The following HYDIN variants were observed in gnomAD, a reference collection of about 807,000 sequenced individuals.
HYDIN encodes the protein HYDIN axonemal central pair apparatus protein.
A neutral mutation model predicts 403.9 loss-of-function variants in HYDIN; 132 were observed. The ratio of observed to expected loss-of-function variants is 0.33; its 90% CI spans 0.28 to 0.38. The LOEUF (loss-of-function observed/expected upper bound fraction) is 0.38. HYDIN is among the 10% of genes least tolerant of loss of function. The pLI is 1.00. For synonymous variants in HYDIN, 1,202 were observed against 1,891.7 expected, an observed-to-expected ratio of 0.64 and a Z score of 9.46; for missense variants, 2,827 against 5,009.5, an observed-to-expected ratio of 0.56 and a Z score of 13.15.
At chr16:71,049,300 A>G (rs2081557909) in intron 18 of HYDIN, among the ~76,000 whole-genome samples, 1 of 152,350 alleles carries the variant, frequency 6.6e-6, no homozygotes, top group East Asian at 1.9e-4. Flanking sequence ...CAAAGTTGTG[A>G]TGTTCCTGAA....
At chr16:70,932,139 G>A (rs548416945) in intron 45 of HYDIN, among the ~76,000 whole-genome samples, 1 of 147,458 alleles carries the variant, frequency 6.8e-6, no homozygotes, top group Admixed American at 6.8e-5. Context: ...TGGATCACCT[G>A]AGGTCAGGAG....
At chr16:71,178,895 G>A in intron 4 of HYDIN, 33 bp downstream of exon 4, 1 of 1,586,704 alleles carries the variant, frequency 6.3e-7, no homozygotes, top group Non-Finnish European at 8.6e-7. Context: ...ATATATCCTG[G>A]AACAGTTCAC....
intron 45 of HYDIN, among the ~76,000 whole-genome samples, chr16:70,922,360 G>A (rs931246124): frequency 1.3e-5 from 2 of 152,284 alleles, no homozygotes; most frequent in African/African-American, 4.8e-5. Context: ...CCAGCGTAGA[G>A]CAGCTGGAGG....
intron 42 of HYDIN, among the ~76,000 whole-genome samples, chr16:70,942,805 G>A (rs9932252): frequency 0.024 from 3,681 of 152,242 alleles, 115 homozygotes; most frequent in African/African-American, 0.083. Context: ...TAAGCTCCAC[G>A]TGTCATCAGA....
intron 1 of HYDIN, among the ~76,000 whole-genome samples, chr16:71,192,337 T>A (rs1359536053): frequency 2.0e-5 from 3 of 152,176 alleles, no homozygotes; most frequent in Non-Finnish European, 4.4e-5. Context: ...TCCAGAATCA[T>A]GCCTTTCCCA....
chr16:70,868,551 G>A lies in HYDIN; in HGVS notation c.11310+19C>T. On this transcript the variant is annotated intron_variant, in intron 66 of 85. Coordinates refer to ENST00000393567, the MANE Select transcript of HYDIN (RefSeq NM_001270974.2). ...AGCATGGAGGCCTGGTCAGATTGGTGCTTGATGTCCCCACTTACTTTTCGT... is the reference window on the plus strand; with the variant it reads ...AGCATGGAGGCCTGGTCAGATTGGTACTTGATGTCCCCACTTACTTTTCGT... The A allele has an allele frequency of 1.2e-6, 2 of 1,603,586 alleles. No individual in the cohort carries two copies. The highest frequency in any genetic ancestry group is 1.7e-6 in the Non-Finnish European group (2 of 1,176,216).
chr16:71,226,295 A>C (rs531856434), intron 1 of HYDIN, among the ~76,000 whole-genome samples: 2 of 152,352 alleles, frequency 1.3e-5, no homozygotes, highest in East Asian at 3.9e-4. Context: ...TCACACATAC[A>C]TGGTCAACTG....
At chr16:70,859,255 C>T (rs1184903215) in intron 71 of HYDIN, among the ~76,000 whole-genome samples, 3 of 151,980 alleles carry the variant, frequency 2.0e-5, no homozygotes, top group South Asian at 2.1e-4. Context: ...GAGCCGAGAT[C>T]GCGCCACTGC....
chr16:71,110,348 A>T (rs1034751171), intron 10 of HYDIN, among the ~76,000 whole-genome samples: 1 of 141,744 alleles, frequency 7.1e-6, no homozygotes, highest in African/African-American at 2.6e-5. Flanking sequence ...ATATTTATAG[A>T]TATTTTATAT....
intron 1 of HYDIN, among the ~76,000 whole-genome samples, chr16:71,226,554 A>G (rs935073451): frequency 1.3e-5 from 2 of 152,246 alleles, no homozygotes; most frequent in African/African-American, 4.8e-5. Flanking sequence ...ACAAAACATA[A>G]AAGAAAAAAT....
chr16:71,078,455 C>T (rs998247671), intron 13 of HYDIN, among the ~76,000 whole-genome samples: 18 of 152,072 alleles, frequency 1.2e-4, no homozygotes, highest in Admixed American at 1.2e-3. Flanking sequence ...TAAATATCTG[C>T]AATTGTATTT....
intron 63 of HYDIN, 64 bp downstream of exon 63, chr16:70,874,753 T>C (rs1160754063): frequency 1.3e-6 from 2 of 1,533,972 alleles, no homozygotes; most frequent in African/African-American, 1.4e-5. Context: ...GGGCCTTGAG[T>C]GGTCCCCTAA....
intron 1 of HYDIN, among the ~76,000 whole-genome samples, chr16:71,221,037 C>G (rs1223760740): frequency 2.0e-5 from 3 of 152,102 alleles, no homozygotes; most frequent in Admixed American, 6.5e-5. Context: ...AGATAATCCT[C>G]CAGACAAGGA....
At chr16:71,216,285 A>G (rs2088877138) in intron 1 of HYDIN, among the ~76,000 whole-genome samples, 1 of 152,256 alleles carries the variant, frequency 6.6e-6, no homozygotes, top group African/African-American at 2.4e-5. Context: ...ATCAATAAAG[A>G]TGATCTAAAC....
rs2084633715 is a variant in HYDIN, at chr16:71,129,856, G to A, written c.1044-33C>T. The A allele has an allele frequency of 4.5e-6, 7 of 1,567,888 alleles. No individual in the cohort carries two copies. The South Asian group carries it at 4.7e-5, about 11-fold the overall frequency. ...AAACAGGCAATGTGAGATTCATGTG[G>A]GTACTCCCATGAAGAACTTTGTAAA... On this transcript the variant is annotated intron_variant, in intron 8 of 85. Coordinates refer to ENST00000393567, the MANE Select transcript of HYDIN (RefSeq NM_001270974.2).
intron 14 of HYDIN, among the ~76,000 whole-genome samples, chr16:71,067,886 C>A (rs947827643): frequency 2.0e-5 from 3 of 151,944 alleles, no homozygotes; most frequent in African/African-American, 7.3e-5. Context: ...CCCCACCATC[C>A]CACATTCTTT....
At chr16:71,118,808 G>C (rs2084148249) in intron 9 of HYDIN, among the ~76,000 whole-genome samples, 1 of 152,122 alleles carries the variant, frequency 6.6e-6, no homozygotes, top group Non-Finnish European at 1.5e-5. Context: ...AGGCAGATGA[G>C]GCAGCTTAGC....
intron 80 of HYDIN, among the ~76,000 whole-genome samples, chr16:70,831,526 A>C (rs1404191670): frequency 6.8e-6 from 1 of 146,448 alleles, no homozygotes; most frequent in Non-Finnish European, 1.5e-5. Context: ...AAAAAAAAAA[A>C]ACCAAAAAAA....
At chr16:71,070,675 C>T (rs1319168414) in intron 13 of HYDIN, among the ~76,000 whole-genome samples, 4 of 132,492 alleles carry the variant, frequency 3.0e-5, no homozygotes, top group African/African-American at 9.7e-5. Flanking sequence ...GTATCTGATA[C>T]CACTTTCAGA....
Sources: allele counts gnomAD v4.1 joint callset (sites outside exome capture counted in the v4.1 genomes callset), GRCh38; gene constraint gnomAD v4.1.1; transcripts MANE v1.5; gene names NCBI Gene and HGNC (gene_info 2026-07-23, HGNC 2026-07-21).